The following SUMF1 variants were observed in gnomAD, a reference collection of about 807,000 sequenced individuals.
The protein encoded by SUMF1 is sulfatase modifying factor 1.
In SUMF1, 48 loss-of-function variants were observed where a neutral mutation model predicts 47.6. That is an observed-to-expected ratio of 1.01 (90% CI 0.80 to 1.28). The LOEUF is 1.28. SUMF1 is among the 50% of genes most tolerant of loss of function. The probability of loss-of-function intolerance (pLI) is 0.00; values close to 1 mark genes in which losing one functional copy is unlikely to be tolerated. For synonymous variants in SUMF1, 230 were observed against 192.1 expected, an observed-to-expected ratio of 1.20 and a Z score of -1.63; for missense variants, 571 against 485.4, an observed-to-expected ratio of 1.18 and a Z score of -1.66.
At chr3:4,182,781 TTAG>T (rs1695123617) in intron 8 of SUMF1, among the ~76,000 whole-genome samples, 1 of 152,146 alleles carries the variant, frequency 6.6e-6, no homozygotes, top group Non-Finnish European at 1.5e-5. Context: ...ATGGTTAATA[TTAG>T]TACTATGCTT....
intron 8 of SUMF1, chr3:4,317,085 A>G: frequency 6.5e-7 from 1 of 1,549,128 alleles, no homozygotes; most frequent in South Asian, 1.2e-5. Context: ...GCATCTCAAC[A>G]ACTTTTTGCA....
chr3:4,186,430 C>T (rs1276055798), intron 8 of SUMF1, among the ~76,000 whole-genome samples: 1 of 152,060 alleles, frequency 6.6e-6, no homozygotes, highest in East Asian at 1.9e-4. Context: ...AGTGGCTTAT[C>T]ATAATATGCT....
chr3:4,173,656 T>C (rs1694882881), intron 8 of SUMF1, among the ~76,000 whole-genome samples: 1 of 152,080 alleles, frequency 6.6e-6, no homozygotes, highest in Non-Finnish European at 1.5e-5. Context: ...TAGACTGGAT[T>C]AAAAAAATGT....
chr3:4,389,721 C>T lies in SUMF1; in HGVS notation c.955-13332G>A, dbSNP rs551274811. ...TCTAGTTGACAGTTCACTGATTTTT[C>T]CCCCCTCTGTGCCCTCCATTCTGCT... On this transcript the variant is annotated intron_variant, in intron 7 of 8. Transcript: ENST00000272902. 1.3e-3 allele frequency among the ~76,000 whole-genome samples: 205 copies of T among 152,128 alleles called. 6 individuals carry two copies. Among genetic ancestry groups the T allele is most frequent in the Admixed American group, 0.013 (196 of 15,268 alleles).
intron 8 of SUMF1, among the ~76,000 whole-genome samples, chr3:4,143,475 T>C (rs1303320480): frequency 6.6e-6 from 1 of 152,124 alleles, no homozygotes; most frequent in Non-Finnish European, 1.5e-5. Flanking sequence ...AGCAATTACA[T>C]CTGAACAAGG....
chr3:4,449,382 G>A, intron 2 of SUMF1, 42 bp from the exon 3 acceptor site: 5 of 1,591,238 alleles, frequency 3.1e-6, no homozygotes, highest in Non-Finnish European at 4.3e-6. Flanking sequence ...AAAGGTTGTA[G>A]TAATGTGTTG....
chr3:4,464,287 T>C (rs2125177953), intron 1 of SUMF1, among the ~76,000 whole-genome samples: 1 of 147,988 alleles, frequency 6.8e-6, no homozygotes, highest in South Asian at 2.1e-4. Flanking sequence ...TTTTTTTTTT[T>C]GAGGCACTAC....
intron 7 of SUMF1, among the ~76,000 whole-genome samples, chr3:4,387,516 T>A (rs935357685): frequency 6.6e-6 from 1 of 152,024 alleles, no homozygotes; most frequent in Non-Finnish European, 1.5e-5. Flanking sequence ...GTTTGTCAAT[T>A]TTATAAATCT....
intron 8 of SUMF1, among the ~76,000 whole-genome samples, chr3:4,210,828 TG>T: frequency 6.6e-6 from 1 of 152,020 alleles, no homozygotes; most frequent in Non-Finnish European, 1.5e-5. Flanking sequence ...GTCGCTGGGC[TG>T]GGAAAGGCAG....
At chr3:4,070,185 C>T (rs1280704100) in intron 8 of SUMF1, among the ~76,000 whole-genome samples, 4 of 152,058 alleles carry the variant, frequency 2.6e-5, no homozygotes, top group African/African-American at 9.7e-5. Flanking sequence ...CTTTCTGAAC[C>T]CAACCAATGT....
At chr3:4,424,291 C>G (rs928379580) in intron 3 of SUMF1, among the ~76,000 whole-genome samples, 1 of 152,118 alleles carries the variant, frequency 6.6e-6, no homozygotes, top group Non-Finnish European at 1.5e-5. Context: ...TCTAGACACC[C>G]GCTTTTCTTT....
chr3:4,315,864 T>C (rs1698616921), intron 8 of SUMF1, among the ~76,000 whole-genome samples: 1 of 151,950 alleles, frequency 6.6e-6, no homozygotes, highest in Non-Finnish European at 1.5e-5. Flanking sequence ...CTGGCCAACA[T>C]GGTGAAACCC....
intron 1 of SUMF1, among the ~76,000 whole-genome samples, chr3:4,462,940 T>C (rs9834719): frequency 0.089 from 13,540 of 152,244 alleles, 710 homozygotes; most frequent in East Asian, 0.22. Context: ...ATCTGTAAAG[T>C]GGGAGATGAT....
chr3:4,341,069 C>CT (rs1402411779), intron 8 of SUMF1, among the ~76,000 whole-genome samples: 2 of 151,816 alleles, frequency 1.3e-5, no homozygotes, highest in Non-Finnish European at 2.9e-5. Context: ...TTGTCAAAAA[C>CT]TAATTTAAAG....
chr3:4,346,438 T>C (rs1481693198), intron 8 of SUMF1, among the ~76,000 whole-genome samples: 1 of 152,062 alleles, frequency 6.6e-6, no homozygotes, highest in Non-Finnish European at 1.5e-5. Flanking sequence ...CCTGGGTAAA[T>C]AATGTAATTA....
At chr3:4,126,332 TC>T (rs1161570480) in intron 8 of SUMF1, among the ~76,000 whole-genome samples, 1 of 151,944 alleles carries the variant, frequency 6.6e-6, no homozygotes, top group Non-Finnish European at 1.5e-5. Flanking sequence ...CAGCTTTATT[TC>T]TTCTATGTTA....
intron 7 of SUMF1, among the ~76,000 whole-genome samples, chr3:4,379,922 G>T (rs939305699): frequency 1.3e-5 from 2 of 151,820 alleles, no homozygotes; most frequent in Non-Finnish European, 1.5e-5. Context: ...AGAGAGTTGG[G>T]GAAGAGGGGT....
In SUMF1 at chr3:4,467,174, C is replaced by G; in HGVS notation, c.72G>C (p.Leu24=). The part of the protein sequence containing the change: ...PELGLVLLLL[L]LSLLCGAAGS... Reference sequence around the variant, plus strand: ...CTGCCGCTCCACACAGCAGCGAGAGCAGCAGCAGCAAGAGGACGAGACCCA... The same window carrying G: ...CTGCCGCTCCACACAGCAGCGAGAGGAGCAGCAGCAAGAGGACGAGACCCA... Residue 24 remains leucine, a synonymous_variant, in exon 1 of 9, where the codon CTG becomes CTC. Coordinates refer to ENST00000272902, the MANE Select transcript of SUMF1 (RefSeq NM_182760.4). 6.2e-7 allele frequency: 1 copy of G among 1,607,444 alleles called. No individual in the cohort carries two copies. The highest frequency in any genetic ancestry group is 8.5e-7 in the Non-Finnish European group (1 of 1,177,696).
intron 3 of SUMF1, among the ~76,000 whole-genome samples, chr3:4,442,289 T>C (rs1702620174): frequency 2.0e-5 from 3 of 148,022 alleles, no homozygotes; most frequent in East Asian, 2.0e-4. Flanking sequence ...GGAGTCTCGC[T>C]CTGTCGCCCA....
Sources: gnomAD v4.1 joint callset for allele counts (sites outside exome capture counted in the v4.1 genomes callset) on GRCh38, gnomAD v4.1.1 for gene constraint, MANE v1.5 for transcripts, NCBI Gene and HGNC (gene_info 2026-07-23, HGNC 2026-07-21) for gene names.